Variants in EVI5 observed in about 807,000 individuals in gnomAD.
The protein encoded by EVI5 is ecotropic viral integration site 5 protein homolog.
A neutral mutation model predicts 112.0 loss-of-function variants in EVI5; 73 were observed. The observed-to-expected ratio is 0.65, with a 90% CI of 0.54 to 0.79. EVI5 has a LOEUF of 0.79. Ranked by LOEUF, EVI5 falls within the 30% of genes least tolerant of loss-of-function variation. The probability of loss-of-function intolerance (pLI) is 0.00; values close to 1 mark genes in which losing one functional copy is unlikely to be tolerated. For missense variants in EVI5, 900 were observed against 968.8 expected (o/e 0.93, Z 0.94); for synonymous variants, 305 against 319.9 (o/e 0.95, Z 0.50).
chr1:92,522,711 T>A (rs1661181282), intron 19 of EVI5, among the ~76,000 whole-genome samples: 1 of 151,838 alleles, frequency 6.6e-6, no homozygotes, highest in Non-Finnish European at 1.5e-5. Context: ...TGCATCACTT[T>A]TTTGCTTTTT....
At chr1:92,680,577 T>C (rs1309953020) in intron 9 of EVI5, among the ~76,000 whole-genome samples, 1 of 152,124 alleles carries the variant, frequency 6.6e-6, no homozygotes, top group Non-Finnish European at 1.5e-5. Flanking sequence ...ATGGTTAAGT[T>C]TGGTAAAGAA....
chr1:92,721,690 A>T (rs968779687), intron 2 of EVI5, among the ~76,000 whole-genome samples: 20 of 152,180 alleles, frequency 1.3e-4, no homozygotes, highest in African/African-American at 3.9e-4. Context: ...AATTTTTTTT[A>T]AAACTCCAGT....
chr1:92,736,719 A>G lies in EVI5; in HGVS notation c.-81-92T>C, dbSNP rs943480408. 5.9e-6 allele frequency: 5 copies of G among 850,688 alleles called. No homozygotes were observed. In the Middle Eastern group the frequency reaches 7.1e-4, roughly 121 times the overall value. 52.7% of individuals were successfully genotyped at this position (850,688 alleles called of 1,614,324 possible). A position where few individuals can be genotyped will look rare whatever the true frequency, so the allele number is the denominator to read the frequency against. On this transcript the variant is annotated intron_variant, in intron 1 of 19. Coordinates refer to ENST00000684568, the MANE Select transcript of EVI5 (RefSeq NM_001350197.2). ...TTCTGTTAGGATTTACTTAATAACC[A>G]TCATCAGAATATTCTCTTTGAGGAA...
intron 19 of EVI5, among the ~76,000 whole-genome samples, chr1:92,530,407 C>T (rs1442464832): frequency 2.6e-5 from 4 of 152,080 alleles, no homozygotes; most frequent in Admixed American, 2.0e-4. Context: ...AAGAGAGCAG[C>T]GGATCTCCCA....
intron 1 of EVI5, among the ~76,000 whole-genome samples, chr1:92,767,399 T>C (rs1489075602): frequency 2.0e-5 from 3 of 152,360 alleles, no homozygotes; most frequent in Non-Finnish European, 2.9e-5. Flanking sequence ...GGTAAATACA[T>C]GCTACGCATA....
chr1:92,651,898 T>A (rs543541106), intron 13 of EVI5, among the ~76,000 whole-genome samples: 2 of 149,616 alleles, frequency 1.3e-5, no homozygotes, highest in South Asian at 4.2e-4. Flanking sequence ...ACACTGCTTG[T>A]GGGAATGGAA....
Position 92,694,377 on chromosome 1 carries a change from T to C in EVI5, c.921A>G (p.Ile307Met). The change falls in exon 8 of 20, where the codon ATA (isoleucine) becomes ATG (methionine). Residue 307 changes from isoleucine to methionine, a missense_variant. By Grantham distance (10) the Ile-to-Met change is conservative. Transcript: ENST00000684568. Reference protein sequence around the residue: ...FDIFMSEGLEIVFRVGLALLQ... With the variant: ...FDIFMSEGLEMVFRVGLALLQ... ...GAAGTGCTAATCCTACACGAAACAC[T>C]ATTTCTAAACCCTGAGGAAACAAAT... 1 of 1,590,374 alleles carries C rather than the reference T, an allele frequency of 6.3e-7. No individual in the cohort carries two copies.
At chr1:92,717,849 G>C (rs929381251) in intron 2 of EVI5, among the ~76,000 whole-genome samples, 1 of 151,298 alleles carries the variant, frequency 6.6e-6, no homozygotes, top group African/African-American at 2.4e-5. Flanking sequence ...GATGGAGGAA[G>C]ATCTACCAAG....
rs572090282 is a variant in EVI5, at chr1:92,514,954, A to G, written c.2167-984T>C. ...ATATCACCGTCACTTACTGTGGGAG[A>G]GGAATGCTGCTTCCCACTCATGAGG... On this transcript the variant is annotated intron_variant, in intron 19 of 19. Transcript: ENST00000684568. Among the ~76,000 whole-genome samples the G allele has an allele frequency of 2.6e-5, 4 of 152,322 alleles. No individual in the cohort carries two copies. In the South Asian group the frequency reaches 8.3e-4, roughly 32 times the overall value.
At chr1:92,662,646 G>T (rs1664216602) in intron 13 of EVI5, 73 bp downstream of exon 13, 1 of 972,224 alleles carries the variant, frequency 1.0e-6, no homozygotes, top group African/African-American at 1.7e-5. Flanking sequence ...CACAAAATCT[G>T]TGCTATGAAA....
intron 13 of EVI5, among the ~76,000 whole-genome samples, chr1:92,638,029 C>T (rs1659233332): frequency 6.6e-6 from 1 of 152,096 alleles, no homozygotes; most frequent in Non-Finnish European, 1.5e-5. Context: ...ACTAGATGTG[C>T]CATAATTTAT....
chr1:92,730,201 C>CA (rs1293253084), intron 2 of EVI5, among the ~76,000 whole-genome samples: 2 of 151,274 alleles, frequency 1.3e-5, no homozygotes, highest in Non-Finnish European at 3.0e-5. Context: ...CCCATCTCTA[C>CA]AAAAAAGTAC....
intron 19 of EVI5, among the ~76,000 whole-genome samples, chr1:92,535,790 A>G (rs2101899833): frequency 6.6e-6 from 1 of 152,286 alleles, no homozygotes; most frequent in Middle Eastern, 3.4e-3. Context: ...GGATAGCATT[A>G]GGAGAAATAC....
At chr1:92,547,062 T>A (rs12732057) in intron 19 of EVI5, among the ~76,000 whole-genome samples, 129,621 of 152,170 alleles carry the variant, frequency 0.85, 55,581 homozygotes, top group East Asian at 0.97. Flanking sequence ...TCAGCACCAC[T>A]TCACACTTAT....
intron 19 of EVI5, among the ~76,000 whole-genome samples, chr1:92,514,909 A>G (rs898367537): frequency 1.3e-5 from 2 of 152,210 alleles, no homozygotes; most frequent in Non-Finnish European, 2.9e-5. Flanking sequence ...CCATCCTGTT[A>G]TAATAGCCCA....
chr1:92,709,679 T>G (rs1013165703), intron 2 of EVI5, among the ~76,000 whole-genome samples: 5 of 152,202 alleles, frequency 3.3e-5, no homozygotes, highest in African/African-American at 1.2e-4. Flanking sequence ...AACACTTGAA[T>G]TGATACCATG....
intron 14 of EVI5, among the ~76,000 whole-genome samples, chr1:92,633,865 G>A (rs878908908): frequency 2.0e-5 from 3 of 152,124 alleles, no homozygotes; most frequent in Non-Finnish European, 4.4e-5. Context: ...AGCTCTTTTA[G>A]GGCAGGCCTG....
At chr1:92,672,095 C>A (rs1665982888) in intron 10 of EVI5, among the ~76,000 whole-genome samples, 1 of 152,066 alleles carries the variant, frequency 6.6e-6, no homozygotes, top group Admixed American at 6.5e-5. Flanking sequence ...ATAAGCCACC[C>A]TGATGGTAGG....
At chr1:92,548,634 C>A (rs559108408) in intron 19 of EVI5, among the ~76,000 whole-genome samples, 756 of 152,280 alleles carry the variant, frequency 5.0e-3, no homozygotes, top group African/African-American at 0.017. Context: ...AGCTGATAAG[C>A]AACTTCAGCA....
Sources: allele counts gnomAD v4.1 joint callset (sites outside exome capture counted in the v4.1 genomes callset), GRCh38; gene constraint gnomAD v4.1.1; transcripts MANE v1.5; gene names NCBI Gene and HGNC (gene_info 2026-07-23, HGNC 2026-07-21).